NAB1: variants seen among roughly 807,000 people sequenced by gnomAD.
NAB1 encodes NGFI-A binding protein 1.
Under a neutral mutation model 49.9 loss-of-function variants are expected in NAB1, and 25 were observed. The observed-to-expected ratio is 0.50, with a 90% confidence interval of 0.37 to 0.70. The LOEUF (loss-of-function observed/expected upper bound fraction) is 0.70, where lower values mean the gene tolerates loss of function less well. NAB1 is among the 30% of genes least tolerant of loss of function. The pLI is 0.00. For synonymous variants in NAB1, 198 were observed against 215.6 expected (o/e 0.92, Z 0.71); for missense variants, 489 against 575.9 (o/e 0.85, Z 1.54).
rs879663311 is a variant in NAB1, at chr2:190,651,293, A to G, written c.-197+1311A>G. 5.3e-5 allele frequency among the ~76,000 whole-genome samples: 8 copies of G among 152,120 alleles called. No individual in the cohort carries two copies. Among genetic ancestry groups the G allele is most frequent in the Non-Finnish European group, 1.0e-4 (7 of 68,020 alleles). On this transcript the variant is annotated intron_variant, in intron 2 of 9. Coordinates refer to ENST00000337386, the MANE Select transcript of NAB1 (RefSeq NM_005966.4). This position sits in a 1 kb window ranked among gnomAD's most constrained non-coding sequence, Gnocchi z 4.3. Reference sequence around the variant, plus strand: ...TCAGTTGAGTAATCTCTTTTTTGTAAGTGGCAAATAACATCCACTGTCGTA... The same window carrying G: ...TCAGTTGAGTAATCTCTTTTTTGTAGGTGGCAAATAACATCCACTGTCGTA...
At chr2:190,664,215 G>A (rs1159781909) in intron 4 of NAB1, among the ~76,000 whole-genome samples, 4 of 152,054 alleles carry the variant, frequency 2.6e-5, no homozygotes, top group Admixed American at 2.6e-4. Context: ...AGTGTTGTCT[G>A]TTTCTCTTTG....
At position 190,675,481 on chromosome 2, in the gene NAB1, T is replaced by A. The variant is rs1325545460; in HGVS notation, c.1005+2329T>A. Among the ~76,000 whole-genome samples the A allele has an allele frequency of 6.6e-6, 1 of 152,232 alleles. No individual in the cohort carries two copies. Among genetic ancestry groups the A allele is most frequent in the East Asian group, 1.9e-4 (1 of 5,204 alleles). ...TTGGGCTGTAACATTAGATATGACC[T>A]TTCTGTTCCTTTAAATATACTCCAC... On this transcript the variant is annotated intron_variant, in intron 6 of 9. Transcript: ENST00000337386. The surrounding 1 kb of genome is among the most constrained non-coding windows in gnomAD (Gnocchi z 5.2).
chr2:190,660,771 A>T (rs1310884402), intron 4 of NAB1, among the ~76,000 whole-genome samples: 1 of 152,040 alleles, frequency 6.6e-6, no homozygotes, highest in Non-Finnish European at 1.5e-5. Context: ...AATAACTTTA[A>T]CTTCTTATTG....
chr2:190,671,824 G>A lies in NAB1; in HGVS notation c.954-1277G>A, dbSNP rs150036512. ...CGGAGTCTTGCTCTGTCACCAGGCT[G>A]GAGTGCAATAGCTCGATCTTGGTTC... On this transcript the variant is annotated intron_variant, in intron 5 of 9. Transcript: ENST00000337386. 2.0e-4 allele frequency among the ~76,000 whole-genome samples: 27 copies of A among 136,534 alleles called. No individual in the cohort carries two copies. In the East Asian group the frequency reaches 5.9e-3, roughly 30 times the overall value. 89.6% of individuals were successfully genotyped at this position (136,534 alleles called of 152,430 possible).
rs1219224826 is a variant in NAB1 at position 190,669,643 on chromosome 2, AT to A, written c.820-680del. Among the ~76,000 whole-genome samples the A allele has an allele frequency of 6.6e-6, 1 of 152,204 alleles. No homozygotes were observed. The highest frequency in any genetic ancestry group is 1.5e-5 in the Non-Finnish European group (1 of 68,028). On this transcript the variant is annotated intron_variant, in intron 4 of 9. Transcript: ENST00000337386. The surrounding 1 kb of genome is among the most constrained non-coding windows in gnomAD (Gnocchi z 4.3). Reference sequence around the variant, plus strand: ...TCTATTGACAAAATTATGTGAAAAAATTTCTAGTTTGTTAAACAATTACAGA... The same window carrying A: ...TCTATTGACAAAATTATGTGAAAAAATTCTAGTTTGTTAAACAATTACAGA...
intron 2 of NAB1, among the ~76,000 whole-genome samples, chr2:190,653,149 T>A (rs1693751084): frequency 1.3e-5 from 2 of 152,212 alleles, no homozygotes; most frequent in Non-Finnish European, 2.9e-5. Flanking sequence ...GCCTCTCGTG[T>A]ACCCATTTCA....
At position 190,670,509 on chromosome 2, in the gene NAB1, G is replaced by A. The variant is rs763139080; in HGVS notation, c.953+50G>A. 1 of 1,584,718 alleles carries A rather than the reference G, an allele frequency of 6.3e-7. No homozygotes were observed. Among genetic ancestry groups the A allele is most frequent in the Non-Finnish European group, 8.6e-7 (1 of 1,158,468 alleles). On this transcript the variant is annotated intron_variant, in intron 5 of 9. Transcript: ENST00000337386. This position sits in a 1 kb window ranked among gnomAD's most constrained non-coding sequence, Gnocchi z 5.3. ...ATTTTTGCATTGCTTGAGAGAAGTA[G>A]AGTTCGAAACATCATCTATTGATAG...
Position 190,649,230 on chromosome 2 carries a change from C to G in NAB1, c.-464C>G, listed in dbSNP as rs1164089024. On this transcript the variant is annotated 5_prime_UTR_variant, in exon 1 of 10. Transcript: ENST00000337386. This position sits in a 1 kb window ranked among gnomAD's most constrained non-coding sequence, Gnocchi z 6.1. ...GCGCGCCCACCACCTTCCCTTCCCCCCTCGATGGGAGCGGGGGCGTCCCGG... is the reference window on the plus strand; with the variant it reads ...GCGCGCCCACCACCTTCCCTTCCCCGCTCGATGGGAGCGGGGGCGTCCCGG... 1 of 151,884 alleles carries G rather than the reference C, an allele frequency of 6.6e-6. No individual in the cohort carries two copies. Among genetic ancestry groups the G allele is most frequent in the African/African-American group, 2.4e-5 (1 of 41,372 alleles). 9.4% of individuals were successfully genotyped at this position (151,884 alleles called of 1,614,324 possible).
At position 190,670,318 on chromosome 2, in the gene NAB1, A is replaced by T. The variant is rs914501764; in HGVS notation, c.820-8A>T. 6.3e-7 allele frequency: 1 copy of T among 1,594,206 alleles called. No individual in the cohort carries two copies. Among genetic ancestry groups the T allele is most frequent in the African/African-American group, 1.4e-5 (1 of 73,738 alleles). On this transcript the variant is annotated splice_polypyrimidine_tract_variant and splice_region_variant and intron_variant, in intron 4 of 9. Transcript: ENST00000337386. This position sits in a 1 kb window ranked among gnomAD's most constrained non-coding sequence, Gnocchi z 5.3. ...TCTTAATTTTGAAACTCTGTTTTGG[A>T]TATCCAGCTCACTGTTAATGAAGCG...
chr2:190,649,014 G>A (rs1310517237), upstream of NAB1: 27 of 146,966 alleles, frequency 1.8e-4, no homozygotes, highest in Non-Finnish European at 1.5e-5. This position sits in a 1 kb window ranked among gnomAD's most constrained non-coding sequence, Gnocchi z 6.1. Context: ...GGAGGGGGAG[G>A]AGGGTGTAGC....
intron 4 of NAB1, among the ~76,000 whole-genome samples, chr2:190,660,310 AAAAT>A (rs1338715629): frequency 6.6e-6 from 1 of 152,372 alleles, no homozygotes. Context: ...TTTTAATTAA[AAAAT>A]AAAACTAGGT....
Position 190,678,982 on chromosome 2 carries a change from A to G in NAB1, c.1006-4756A>G, listed in dbSNP as rs1008165292. The stretch of plus-strand genomic sequence containing the variant: ...TGAGGAGGCATGGGGATGGAGACCA[A>G]TGGGATGAGAGTAATTAGGTCATGC... On this transcript the variant is annotated intron_variant, in intron 6 of 9. Transcript: ENST00000337386. This position sits in a 1 kb window ranked among gnomAD's most constrained non-coding sequence, Gnocchi z 4.9. Among the ~76,000 whole-genome samples, 5 of 152,216 alleles carry G rather than the reference A, an allele frequency of 3.3e-5. No homozygotes were observed. Among genetic ancestry groups the G allele is most frequent in the Admixed American group, 2.0e-4 (3 of 15,280 alleles).
At position 190,679,776 on chromosome 2, in the gene NAB1, C is replaced by T. The variant is rs541868074; in HGVS notation, c.1006-3962C>T. Among the ~76,000 whole-genome samples, 4 of 152,240 alleles carry T rather than the reference C, an allele frequency of 2.6e-5. No individual in the cohort carries two copies. Among genetic ancestry groups the T allele is most frequent in the Admixed American group, 1.3e-4 (2 of 15,286 alleles). Reference sequence around the variant, plus strand: ...CATACCTTTCTCCTGCAAGTTCTTCCAGAAACAGTATTGAGGCATTGGGGC... The same window carrying T: ...CATACCTTTCTCCTGCAAGTTCTTCTAGAAACAGTATTGAGGCATTGGGGC... On this transcript the variant is annotated intron_variant, in intron 6 of 9. Coordinates refer to ENST00000337386, the MANE Select transcript of NAB1 (RefSeq NM_005966.4). This position sits in a 1 kb window ranked among gnomAD's most constrained non-coding sequence, Gnocchi z 5.3.
chr2:190,678,680 G>C lies in NAB1; in HGVS notation c.1006-5058G>C, dbSNP rs973415194. Among the ~76,000 whole-genome samples, 1 of 152,046 alleles carries C rather than the reference G, an allele frequency of 6.6e-6. No individual in the cohort carries two copies. Among genetic ancestry groups the C allele is most frequent in the South Asian group, 2.1e-4 (1 of 4,818 alleles). ...CATCTGCTAGCAGTTCCAGCAAGGT[G>C]GGGGTGGGAGAGCAAGGAAGGGGGA... On this transcript the variant is annotated intron_variant, in intron 6 of 9. Transcript: ENST00000337386. The surrounding 1 kb of genome is among the most constrained non-coding windows in gnomAD (Gnocchi z 4.9).
rs557955652 is a variant in NAB1, at chr2:190,691,894, G to A, written c.*1561G>A. The A allele has an allele frequency of 4.6e-5, 7 of 152,508 alleles. No individual in the cohort carries two copies. The highest frequency in any genetic ancestry group is 3.9e-4 in the East Asian group (2 of 5,190). The allele number at this position is 152,508 out of a possible 1,614,324, so 9.4% of individuals were successfully genotyped here. A position where few individuals can be genotyped will look rare whatever the true frequency, so the allele number is the denominator to read the frequency against. On this transcript the variant is annotated 3_prime_UTR_variant, in exon 10 of 10. Coordinates refer to ENST00000337386, the MANE Select transcript of NAB1 (RefSeq NM_005966.4). The surrounding 1 kb of genome is among the most constrained non-coding windows in gnomAD (Gnocchi z 4.1). ...CACTGTAGTCTCAGATCACTGTCAC[G>A]TATATAAATTGCTTCTTCATTTTAA...
intron 4 of NAB1, among the ~76,000 whole-genome samples, chr2:190,662,919 T>C (rs1043428050): frequency 6.6e-6 from 1 of 152,154 alleles, no homozygotes; most frequent in African/African-American, 2.4e-5. Context: ...CCCAGGCCTA[T>C]AGAATAAACA....
chr2:190,659,765 C>T lies in NAB1; in HGVS notation c.589C>T (p.Leu197Phe), dbSNP rs61748258. The T allele has an allele frequency of 9.6e-4, 1,549 of 1,614,126 alleles. No homozygotes were observed. The highest frequency in any genetic ancestry group is 1.2e-3 in the Non-Finnish European group (1,423 of 1,179,996). The stretch of plus-strand genomic sequence containing the variant: ...TGAGGCGCTGGATGCTGCTGCTGCG[C>T]TCTCTGTGGCTGAGTGTGTGGAGCG... ...SSEALDAAAA[L>F]SVAECVERMA... Residue 197 changes from leucine to phenylalanine, a missense_variant, in exon 4 of 10, where the codon CTC becomes TTC. Around this residue, in one of 4 missense-constraint regions of NAB1, gnomAD observed 204 missense variants for 220.9 expected, o/e 0.92. Transcript: ENST00000337386. The surrounding 1 kb of genome is among the most constrained non-coding windows in gnomAD (Gnocchi z 6.2).
intron 4 of NAB1, among the ~76,000 whole-genome samples, chr2:190,668,363 G>C (rs1458878878): frequency 6.6e-6 from 1 of 152,126 alleles, no homozygotes; most frequent in African/African-American, 2.4e-5. Flanking sequence ...TTGATGTCCA[G>C]AGTGAAGGTA....
intron 9 of NAB1, among the ~76,000 whole-genome samples, chr2:190,688,723 C>T (rs958690982): frequency 6.6e-6 from 1 of 152,044 alleles, no homozygotes; most frequent in Non-Finnish European, 1.5e-5. Flanking sequence ...TAGGTAGAAC[C>T]GAATGAAGAA....
Sources: allele counts gnomAD v4.1 joint callset (sites outside exome capture counted in the v4.1 genomes callset), GRCh38; gene constraint gnomAD v4.1.1; regional missense constraint gnomAD v4.1.1; non-coding constraint Gnocchi (gnomAD v3.1); transcripts MANE v1.5; gene names NCBI Gene and HGNC (gene_info 2026-07-23, HGNC 2026-07-21).